Variants in MYH11 observed in about 807,000 individuals in gnomAD.
The protein encoded by MYH11 is myosin heavy chain 11.
Under a neutral mutation model 246.6 loss-of-function variants are expected in MYH11, and 80 were observed. That is an observed-to-expected ratio of 0.32 (90% CI 0.27 to 0.39). The LOEUF (loss-of-function observed/expected upper bound fraction) is 0.39, where lower values mean the gene tolerates loss of function less well. Ranked by LOEUF, MYH11 falls within the 10% of genes least tolerant of loss-of-function variation. MYH11 has a pLI of 1.00. For missense variants in MYH11, 2,158 were observed against 2,546.8 expected, an observed-to-expected ratio of 0.85 and a Z score of 3.29; for synonymous variants, 1,071 against 1,015.5, an observed-to-expected ratio of 1.05 and a Z score of -1.04.
chr16:15,782,927 T>C (rs1263742992), intron 5 of MYH11: 1 of 162,150 alleles, frequency 6.2e-6, no homozygotes, highest in South Asian at 1.7e-4. Flanking sequence ...TCTAATTATT[T>C]TAGTGCAATT....
intron 1 of MYH11, among the ~76,000 whole-genome samples, chr16:15,842,457 G>C (rs964202143): frequency 6.6e-6 from 1 of 151,786 alleles, no homozygotes; most frequent in African/African-American, 2.4e-5. Context: ...ACCTGATATC[G>C]TAGCTGATGA....
intron 3 of MYH11, among the ~76,000 whole-genome samples, chr16:15,800,934 AG>A (rs1479973199): frequency 2.6e-5 from 4 of 152,122 alleles, no homozygotes; most frequent in African/African-American, 9.7e-5. Flanking sequence ...GGCCGGGCGC[AG>A]TGGCTCATGC....
rs541626936 is a variant in MYH11, at chr16:15,755,888, G to C, written c.1749+453C>G. 2.0e-5 allele frequency among the ~76,000 whole-genome samples: 3 copies of C among 152,174 alleles called. No homozygotes were observed. The East Asian group carries it at 5.8e-4, about 29-fold the overall frequency. On this transcript the variant is annotated intron_variant, in intron 14 of 40. Coordinates refer to ENST00000300036, the MANE Select transcript of MYH11 (RefSeq NM_002474.3). ...AGAGGTTGCAGTTAGCAGAGATCAC[G>C]CCATTGCACTCCAGCCTGGATGACA...
intron 25 of MYH11, among the ~76,000 whole-genome samples, 159 bp from the exon 26 acceptor site, chr16:15,735,737 T>C (rs2041098990): frequency 1.3e-5 from 2 of 152,206 alleles, no homozygotes; most frequent in Non-Finnish European, 2.9e-5. Flanking sequence ...TGCCAGACTA[T>C]ATGAGATTAA....
At chr16:15,706,926 GTGCTT>G (rs1485333435) in intron 40 of MYH11, among the ~76,000 whole-genome samples, 1 of 152,182 alleles carries the variant, frequency 6.6e-6, no homozygotes. Flanking sequence ...TTTGGCTGAA[GTGCTT>G]TTCTTGGAAC....
At chr16:15,848,492 C>A (rs1189854017) in intron 1 of MYH11, among the ~76,000 whole-genome samples, 1 of 152,100 alleles carries the variant, frequency 6.6e-6, no homozygotes, top group Non-Finnish European at 1.5e-5. Flanking sequence ...CCTTGGCCCC[C>A]CAAAGTGCTG....
At chr16:15,709,397 C>T (rs983985309) in intron 40 of MYH11, among the ~76,000 whole-genome samples, 1 of 151,934 alleles carries the variant, frequency 6.6e-6, no homozygotes, top group African/African-American at 2.4e-5. Flanking sequence ...TCACTGCAAC[C>T]TCCACCTCCC....
At chr16:15,810,397 T>C (rs1181984938) in intron 3 of MYH11, among the ~76,000 whole-genome samples, 1 of 152,014 alleles carries the variant, frequency 6.6e-6, no homozygotes, top group African/African-American at 2.4e-5. Flanking sequence ...TAATGCACCA[T>C]GGGTACCAAA....
At chr16:15,811,781 G>C (rs2043143649) in intron 3 of MYH11, among the ~76,000 whole-genome samples, 2 of 152,070 alleles carry the variant, frequency 1.3e-5, no homozygotes, top group Admixed American at 1.3e-4. Flanking sequence ...AGAGGAATTA[G>C]CCAAGAGCCC....
chr16:15,842,378 G>A (rs895456523), intron 1 of MYH11, among the ~76,000 whole-genome samples: 1 of 151,850 alleles, frequency 6.6e-6, no homozygotes, highest in African/African-American at 2.4e-5. Context: ...CAGTAAGAGC[G>A]AAACTCAGTC....
chr16:15,842,141 C>T (rs1293143845), intron 1 of MYH11, among the ~76,000 whole-genome samples: 3 of 152,200 alleles, frequency 2.0e-5, no homozygotes, highest in Admixed American at 6.6e-5. Context: ...AATCCCAGCA[C>T]TTTGGGAGGC....
chr16:15,710,669 C>G (rs187801667), intron 40 of MYH11, among the ~76,000 whole-genome samples: 121 of 151,960 alleles, frequency 8.0e-4, no homozygotes, highest in African/African-American at 2.9e-3. Flanking sequence ...CAGAGCACAT[C>G]TGAGGGTTTT....
chr16:15,777,097 G>GCAGACATACA (rs750248562), intron 7 of MYH11, among the ~76,000 whole-genome samples: 13,663 of 145,182 alleles, frequency 0.094, 638 homozygotes, highest in South Asian at 0.15. Flanking sequence ...GTATACACAC[G>GCAGACATACA]CACACATACA....
chr16:15,739,919 TTTAGTAGAGA>T, intron 23 of MYH11, 122 bp downstream of exon 23: 1 of 961,146 alleles, frequency 1.0e-6, no homozygotes, highest in Non-Finnish European at 1.6e-6. Flanking sequence ...TCTTTGTATT[TTTAGTAGAGA>T]TGGAGTTTTA....
At chr16:15,807,244 T>C (rs1280711588) in intron 3 of MYH11, among the ~76,000 whole-genome samples, 1 of 152,152 alleles carries the variant, frequency 6.6e-6, no homozygotes, top group Admixed American at 6.5e-5. Context: ...CCTCCCGCCT[T>C]GGCCTCCCAA....
intron 4 of MYH11, chr16:15,792,851 C>T (rs1210942673): frequency 1.3e-5 from 2 of 152,198 alleles, no homozygotes; most frequent in African/African-American, 2.4e-5. Context: ...GATCCTCCTG[C>T]CTCATCCTCC....
chr16:15,720,822 T>TC lies in MYH11; in HGVS notation c.4791+16dup, dbSNP rs1567694693. ...GCCACCCGACCTCCCTCTGCTGGCC[T>TC]CCCCGGCAGCACGCACCTGTCTCTG... On this transcript the variant is annotated intron_variant, in intron 33 of 40. Transcript: ENST00000300036. 1.2e-5 allele frequency: 19 copies of TC among 1,612,550 alleles called. No homozygotes were observed. Among genetic ancestry groups the TC allele is most frequent in the Non-Finnish European group, 1.5e-5 (18 of 1,179,850 alleles).
chr16:15,837,746 C>T (rs1007236682), intron 2 of MYH11, among the ~76,000 whole-genome samples, 162 bp downstream of exon 2: 3 of 151,952 alleles, frequency 2.0e-5, no homozygotes, highest in African/African-American at 4.8e-5. Context: ...TGTTGGCCAG[C>T]GTGGTCTCGA....
At chr16:15,763,738 A>AGCTGGGGGCCCCCCCCC in intron 10 of MYH11, 58 bp downstream of exon 10, 1 of 717,692 alleles carries the variant, frequency 1.4e-6, no homozygotes, top group East Asian at 2.8e-5. Flanking sequence ...GTTAAATGTC[A>AGCTGGGGGCCCCCCCCC]CCTCCCCCAC....
Sources: gnomAD v4.1 joint callset for allele counts (sites outside exome capture counted in the v4.1 genomes callset) on GRCh38, gnomAD v4.1.1 for gene constraint, MANE v1.5 for transcripts, NCBI Gene and HGNC (gene_info 2026-07-23, HGNC 2026-07-21) for gene names.